The following TRRAP variants were observed in gnomAD, a reference collection of about 807,000 sequenced individuals.
TRRAP encodes transformation/transcription domain associated protein.
A neutral mutation model predicts 438.8 loss-of-function variants in TRRAP; 41 were observed. That is an observed-to-expected ratio of 0.09 (90% CI 0.07 to 0.12). The LOEUF is 0.12. TRRAP is among the 10% of genes least tolerant of loss of function. The pLI is 1.00. For missense variants in TRRAP, 3,122 were observed against 5,055.1 expected (o/e 0.62, Z 11.60); for synonymous variants, 1,994 against 1,962.9 (o/e 1.02, Z -0.42).
At position 98,918,660 on chromosome 7, in the gene TRRAP, C is replaced by G. The variant is rs534777136; in HGVS notation, c.2622+981C>G. Among the ~76,000 whole-genome samples the G allele has an allele frequency of 1.8e-3, 272 of 152,218 alleles. 9 individuals are homozygous for G. In the South Asian group the frequency reaches 0.054, roughly 30 times the overall value. ...GTTGCATAGTAAAGGGATATTGACT[C>G]TAAAGGAAAGATATAGGTGTTTGCT... On this transcript the variant is annotated intron_variant, in intron 20 of 72. Transcript: ENST00000456197.
chr7:98,927,053 G>C, intron 22 of TRRAP, 114 bp from the exon 23 acceptor site: 1 of 1,155,556 alleles, frequency 8.7e-7, no homozygotes, highest in Non-Finnish European at 1.2e-6. Context: ...AAATTACCCA[G>C]GCCTGTCTGA....
chr7:98,959,587 A>G (rs570744723), intron 45 of TRRAP, 97 bp downstream of exon 45: 18 of 1,513,802 alleles, frequency 1.2e-5, no homozygotes, highest in Non-Finnish European at 1.5e-5. Flanking sequence ...GATCACTCTG[A>G]CCCTTATGCC....
chr7:98,970,952 C>T (rs1792389849), intron 52 of TRRAP, among the ~76,000 whole-genome samples: 1 of 152,068 alleles, frequency 6.6e-6, no homozygotes, highest in African/African-American at 2.4e-5. Context: ...GTGGCTGCCG[C>T]TGTTCCTGGC....
intron 26 of TRRAP, 149 bp from the exon 27 acceptor site, chr7:98,933,092 A>G (rs1790400294): frequency 1.9e-6 from 2 of 1,069,056 alleles, no homozygotes; most frequent in Non-Finnish European, 2.6e-6. Flanking sequence ...TCCACGACCG[A>G]GGTTTTGCAC....
Position 98,880,268 on chromosome 7 carries a change from T to G in TRRAP, c.-61-822T>G, listed in dbSNP as rs577989495. ...GCGTTTTGTTGTTGTTGTTGTTTTT[T>G]TTTTTTTTTTTCCGAGACTGAACCT... On this transcript the variant is annotated intron_variant, in intron 1 of 72. Coordinates refer to ENST00000456197, the MANE Select transcript of TRRAP (RefSeq NM_001375524.1). 3.1e-3 allele frequency among the ~76,000 whole-genome samples: 453 copies of G among 148,466 alleles called. 2 individuals are homozygous for G. The highest frequency in any genetic ancestry group is 0.011 in the African/African-American group (441 of 40,270).
Position 98,930,800 on chromosome 7 carries a change from T to G in TRRAP, c.3561T>G (p.Leu1187=), listed in dbSNP as rs781846215. Residue 1187 remains leucine (L), a synonymous_variant, in exon 25 of 73, where the codon CTT becomes CTG. Coordinates refer to ENST00000456197, the MANE Select transcript of TRRAP (RefSeq NM_001375524.1). ...ACCAGCAGACATTCCTGAAAGCACT[T>G]CTCTTTGTCATGATGGACTTAACTG... ...LQNQQTFLKA[L]LFVMMDLTGE... 1 of 1,614,202 alleles carries G rather than the reference T, an allele frequency of 6.2e-7. No individual in the cohort carries two copies. Among genetic ancestry groups the G allele is most frequent in the Non-Finnish European group, 8.5e-7 (1 of 1,180,040 alleles).
At position 98,930,655 on chromosome 7, in the gene TRRAP, C is replaced by G; in HGVS notation, c.3416C>G (p.Ser1139Cys). The G allele has an allele frequency of 6.2e-7, 1 of 1,613,938 alleles. No homozygotes were observed. Among genetic ancestry groups the G allele is most frequent in the Admixed American group, 1.7e-5 (1 of 60,020 alleles). Residue 1139 changes from serine to cysteine, a missense_variant, in exon 25 of 73, where the codon TCT (serine) becomes TGT (cysteine). By Grantham distance (112) the Ser-to-Cys change is moderately radical (BLOSUM62 -1). This residue lies in a region of TRRAP where 153 missense variants were observed against 223.0 expected (regional missense o/e 0.69). Coordinates refer to ENST00000456197, the MANE Select transcript of TRRAP (RefSeq NM_001375524.1). ...KERACQLPLF[S>C]YIVERLCACC... is the part of the protein sequence containing the mutation. ...CAGGCCTGCCAGCTGCCCCTGTTTT[C>G]TTACATCGTGGAGCGCCTGTGTGCA...
intron 27 of TRRAP, among the ~76,000 whole-genome samples, chr7:98,934,146 T>C (rs1790449629): frequency 1.3e-5 from 2 of 152,212 alleles, no homozygotes; most frequent in South Asian, 4.1e-4. Context: ...CTGTGGGTGT[T>C]GCCAAATTAT....
At chr7:98,900,577 C>T (rs1554406511) in intron 10 of TRRAP, 47 bp from the exon 11 acceptor site, 1 of 1,490,318 alleles carries the variant, frequency 6.7e-7, no homozygotes, top group Admixed American at 1.9e-5. Flanking sequence ...TTAATACTAA[C>T]ATCACTCATA....
Position 98,978,200 on chromosome 7 carries a change from AC to A in TRRAP, c.8386-10del. 1 of 1,605,146 alleles carries A rather than the reference AC, an allele frequency of 6.2e-7. No individual in the cohort carries two copies. Among genetic ancestry groups the A allele is most frequent in the Non-Finnish European group, 8.5e-7 (1 of 1,175,016 alleles). The stretch of plus-strand genomic sequence containing the variant: ...GTTAAACAGTGATTTAAAAACATTA[AC>A]TTTTTTTAGGCACAAGAATCCTATG... On this transcript the variant is annotated splice_polypyrimidine_tract_variant and intron_variant, in intron 56 of 72. Coordinates refer to ENST00000456197, the MANE Select transcript of TRRAP (RefSeq NM_001375524.1).
At chr7:98,923,926 C>T (rs1234012854) in intron 21 of TRRAP, among the ~76,000 whole-genome samples, 5 of 152,220 alleles carry the variant, frequency 3.3e-5, no homozygotes, top group Non-Finnish European at 7.3e-5. Flanking sequence ...CTATCTCAGT[C>T]AACCCCATGA....
intron 61 of TRRAP, 137 bp from the exon 62 acceptor site, chr7:98,984,807 G>T (rs971844939): frequency 5.6e-6 from 3 of 536,374 alleles, no homozygotes; most frequent in Admixed American, 3.4e-5. Flanking sequence ...AATATTCATG[G>T]TAGGCAAATC....
chr7:98,892,376 C>A, intron 4 of TRRAP, 48 bp from the exon 5 acceptor site: 1 of 1,464,074 alleles, frequency 6.8e-7, no homozygotes. Context: ...TAATTTGGAA[C>A]CCTTGGAAGT....
chr7:98,897,999 G>C, intron 8 of TRRAP, 133 bp downstream of exon 8: 2 of 1,412,770 alleles, frequency 1.4e-6, no homozygotes, highest in Non-Finnish European at 1.9e-6. Flanking sequence ...AAGCATCACT[G>C]GTCCTTCTCT....
chr7:98,971,612 G>T (rs1055690031), intron 52 of TRRAP, among the ~76,000 whole-genome samples, 187 bp from the exon 53 acceptor site: 1 of 152,176 alleles, frequency 6.6e-6, no homozygotes, highest in Non-Finnish European at 1.5e-5. Flanking sequence ...TAAAAAGAGA[G>T]CGATCTGGTC....
intron 67 of TRRAP, among the ~76,000 whole-genome samples, chr7:98,995,981 C>T (rs1245590620): frequency 2.1e-5 from 3 of 145,560 alleles, no homozygotes; most frequent in East Asian, 2.0e-4. Context: ...CATCCTCATA[C>T]CCCCATCCCA....
intron 62 of TRRAP, among the ~76,000 whole-genome samples, chr7:98,988,357 G>C (rs934792087): frequency 6.6e-6 from 1 of 152,194 alleles, no homozygotes; most frequent in Non-Finnish European, 1.5e-5. Context: ...TCAAGATGTG[G>C]AAACAACACA....
Position 98,953,424 on chromosome 7 carries a change from C to T in TRRAP, c.5721C>T (p.Ile1907=), listed in dbSNP as rs782625284. 4.5e-5 allele frequency: 73 copies of T among 1,610,236 alleles called. No individual in the cohort carries two copies. The highest frequency in any genetic ancestry group is 5.8e-5 in the Non-Finnish European group (69 of 1,179,740). The change falls in exon 40 of 73, where the codon ATC becomes ATT. Residue 1907 remains isoleucine (I), a synonymous_variant. Transcript: ENST00000456197. ...IIAKFAIHKK[I]VLQVFHSLLK... ...CCAAATTCGCCATACACAAGAAGAT[C>T]GTCCTGCAGGTATTTTGCAAGCCCC...
chr7:98,927,714 G>A (rs895057302), intron 23 of TRRAP, among the ~76,000 whole-genome samples: 4 of 152,134 alleles, frequency 2.6e-5, no homozygotes, highest in Non-Finnish European at 5.9e-5. Flanking sequence ...TCCAAGGCCA[G>A]TCTTGCCCTC....
Sources: gnomAD v4.1 joint callset for allele counts (sites outside exome capture counted in the v4.1 genomes callset) on GRCh38, gnomAD v4.1.1 for gene constraint, gnomAD v4.1.1 regional missense constraint, MANE v1.5 for transcripts, NCBI Gene and HGNC (gene_info 2026-07-23, HGNC 2026-07-21) for gene names.